The following CARNMT1 variants were observed in gnomAD, a reference collection of about 807,000 sequenced individuals.
CARNMT1 encodes the protein carnosine N-methyltransferase 1, also known as protein-L-histidine N-pros-methyltransferase CARNMT1.
Under a neutral mutation model 49.6 loss-of-function variants are expected in CARNMT1, and 28 were observed. The ratio of observed to expected loss-of-function variants is 0.56; its 90% CI spans 0.42 to 0.77. CARNMT1 has a LOEUF of 0.77. Among genes scored for constraint, CARNMT1 ranks in the 30% least tolerant of loss-of-function variants. CARNMT1 has a pLI of 0.00. For synonymous variants in CARNMT1, 178 were observed against 175.0 expected (o/e 1.02, Z -0.13); for missense variants, 421 against 512.6 (o/e 0.82, Z 1.73).
In CARNMT1 at chr9:75,027,870, G is replaced by C. The variant is rs867965643; in HGVS notation, c.230+142C>G. The C allele has an allele frequency of 5.4e-6, 5 of 932,508 alleles. No homozygotes were observed. In the Middle Eastern group the frequency reaches 1.8e-3, roughly 335 times the overall value. 57.8% of individuals were successfully genotyped at this position (932,508 alleles called of 1,614,324 possible). On this transcript the variant is annotated intron_variant, in intron 1 of 7. Transcript: ENST00000376834. ...CTGGGGTGGTGCGAGGTGACTCGGG[G>C]CCCGGAGGTCAGCTGCAGCAGCCGG...
rs1832735233 is a variant in CARNMT1, at chr9:74,983,297, G to A, written c.*470C>T. The stretch of plus-strand genomic sequence containing the variant: ...ATTTTACGCATAGTTTTCTTAGATT[G>A]AAAGTGAACAAAGTCCCAACTCCAG... On this transcript the variant is annotated 3_prime_UTR_variant, in exon 8 of 8. Coordinates refer to ENST00000376834, the MANE Select transcript of CARNMT1 (RefSeq NM_152420.3). 1 of 150,876 alleles carries A rather than the reference G, an allele frequency of 6.6e-6. No individual in the cohort carries two copies. The highest frequency in any genetic ancestry group is 1.5e-5 in the Non-Finnish European group (1 of 67,830). The allele number at this position is 150,876 out of a possible 1,614,324, so 9.3% of individuals were successfully genotyped here. A position where few individuals can be genotyped will look rare whatever the true frequency, so the allele number is the denominator to read the frequency against.
At chr9:75,021,559 A>C (rs773250748) in intron 1 of CARNMT1, among the ~76,000 whole-genome samples, 74 of 151,590 alleles carry the variant, frequency 4.9e-4, no homozygotes, top group Non-Finnish European at 9.3e-4. Context: ...ACAATGTAGA[A>C]ATTAGAAGTA....
chr9:75,001,126 T>A (rs1460547832), intron 3 of CARNMT1, among the ~76,000 whole-genome samples: 2 of 150,308 alleles, frequency 1.3e-5, no homozygotes, highest in Non-Finnish European at 3.0e-5. Flanking sequence ...CAGTTTAGAA[T>A]TTTTTTTTTA....
chr9:75,013,041 T>G (rs2118845405), intron 3 of CARNMT1, among the ~76,000 whole-genome samples: 1 of 152,314 alleles, frequency 6.6e-6, no homozygotes, highest in South Asian at 2.1e-4. Context: ...TCCTCAAAAC[T>G]TGGTGGACTG....
rs559269373 is a variant in CARNMT1, at chr9:75,017,376, T to C, written c.303A>G (p.Leu101=). Residue 101 remains leucine, a synonymous_variant, in exon 2 of 8, where the codon CTA becomes CTG. Coordinates refer to ENST00000376834, the MANE Select transcript of CARNMT1 (RefSeq NM_152420.3). Reference sequence around the variant, plus strand: ...CCAAGTGAAGAAGAAACTGAGGAAGTAGTTTCTGTTGGTTAGCTGGAAGTG... The same window carrying C: ...CCAAGTGAAGAAGAAACTGAGGAAGCAGTTTCTGTTGGTTAGCTGGAAGTG... ...FRSLPANQQK[L]LPQFLLHLDK... 11 of 1,613,814 alleles carry C rather than the reference T, an allele frequency of 6.8e-6. No individual in the cohort carries two copies. Among genetic ancestry groups the C allele is most frequent in the Admixed American group, 1.7e-5 (1 of 60,026 alleles).
At chr9:74,984,698 A>G (rs1564089505) in intron 7 of CARNMT1, among the ~76,000 whole-genome samples, 1 of 152,192 alleles carries the variant, frequency 6.6e-6, no homozygotes, top group Non-Finnish European at 1.5e-5. Flanking sequence ...TGTCACGTAT[A>G]TGCATATATT....
chr9:74,986,062 G>A (rs1832827558), intron 6 of CARNMT1, among the ~76,000 whole-genome samples: 1 of 152,056 alleles, frequency 6.6e-6, no homozygotes, highest in South Asian at 2.1e-4. Flanking sequence ...CTATCATTTT[G>A]CCCAATCCAT....
chr9:75,010,487 T>C (rs933094754), intron 3 of CARNMT1, among the ~76,000 whole-genome samples: 1 of 152,166 alleles, frequency 6.6e-6, no homozygotes, highest in Admixed American at 6.6e-5. Flanking sequence ...AAGTTGAAGT[T>C]AGGTTAACAG....
chr9:74,984,133 TAAAAAC>T (rs1429815369), intron 7 of CARNMT1, among the ~76,000 whole-genome samples: 1 of 152,200 alleles, frequency 6.6e-6, no homozygotes, highest in African/African-American at 2.4e-5. Flanking sequence ...TCGTCATTCT[TAAAAAC>T]AAACCTATTG....
Position 75,028,134 on chromosome 9 carries a change from A to G in CARNMT1, c.108T>C (p.Arg36=). The G allele has an allele frequency of 6.4e-7, 1 of 1,550,420 alleles. No individual in the cohort carries two copies. Among genetic ancestry groups the G allele is most frequent in the East Asian group, 2.6e-5 (1 of 38,394 alleles). The change falls in exon 1 of 8, where the codon CGT becomes CGC. Residue 36 remains arginine (R), a synonymous_variant. Transcript: ENST00000376834. The stretch of plus-strand genomic sequence containing the variant: ...CCGAAACCGCCGCGGCCGAGCCCCA[A>G]CGCCCGGCGGAAAACTGCACTTCCA... ...EEVEVQFSAG[R]WGSAAAVSAA...
intron 1 of CARNMT1, among the ~76,000 whole-genome samples, chr9:75,023,164 T>C (rs1201582787): frequency 6.7e-6 from 1 of 149,344 alleles, no homozygotes; most frequent in Non-Finnish European, 1.5e-5. Context: ...GAAAAAGAAA[T>C]TAAGGAGTCA....
intron 6 of CARNMT1, chr9:74,991,209 C>G (rs773632778): frequency 6.6e-6 from 1 of 151,848 alleles, no homozygotes; most frequent in African/African-American, 2.4e-5. Context: ...GTGGCACAAT[C>G]TCAGATCACT....
intron 1 of CARNMT1, 143 bp downstream of exon 1, chr9:75,027,869 G>C (rs1402913944): frequency 6.5e-6 from 6 of 928,472 alleles, no homozygotes; most frequent in Non-Finnish European, 9.1e-6. Context: ...GGTGACTCGG[G>C]GCCCGGAGGT....
rs1457884411 is a variant in CARNMT1 at position 74,982,736 on chromosome 9, TCA to T, written c.*1029_*1030del. On this transcript the variant is annotated 3_prime_UTR_variant, in exon 8 of 8. Coordinates refer to ENST00000376834, the MANE Select transcript of CARNMT1 (RefSeq NM_152420.3). Reference sequence around the variant, plus strand: ...TAAAGAAAAGACATTATTGTAAACATCACACTGTCAAACTCTGTATTCATTTA... The same window carrying T: ...TAAAGAAAAGACATTATTGTAAACATCACTGTCAAACTCTGTATTCATTTA... The T allele has an allele frequency of 6.6e-6, 1 of 152,214 alleles. No homozygotes were observed. The highest frequency in any genetic ancestry group is 1.5e-5 in the Non-Finnish European group (1 of 68,032). 9.4% of individuals were successfully genotyped at this position (152,214 alleles called of 1,614,324 possible). A position where few individuals can be genotyped will look rare whatever the true frequency, so the allele number is the denominator to read the frequency against.
chr9:75,000,529 C>T (rs73542677), intron 3 of CARNMT1, among the ~76,000 whole-genome samples: 1,586 of 152,216 alleles, frequency 0.01, 30 homozygotes, highest in African/African-American at 0.036. Context: ...TACATATTTC[C>T]TTCACGTAAG....
intron 1 of CARNMT1, among the ~76,000 whole-genome samples, chr9:75,019,516 A>G (rs1210668763): frequency 1.3e-5 from 2 of 152,158 alleles, no homozygotes; most frequent in African/African-American, 4.8e-5. Flanking sequence ...GATAACATTA[A>G]AGTCTAAAAA....
chr9:74,984,697 T>C (rs1052874863), intron 7 of CARNMT1, among the ~76,000 whole-genome samples: 1 of 152,166 alleles, frequency 6.6e-6, no homozygotes, highest in African/African-American at 2.4e-5. Flanking sequence ...ATGTCACGTA[T>C]ATGCATATAT....
chr9:75,005,873 CAAT>C (rs1833496177), intron 3 of CARNMT1, among the ~76,000 whole-genome samples: 1 of 132,232 alleles, frequency 7.6e-6, no homozygotes, highest in Non-Finnish European at 1.6e-5. Context: ...CACACACACA[CAAT>C]AAAAGGCTAG....
chr9:75,026,346 A>G (rs1822529427), intron 1 of CARNMT1, among the ~76,000 whole-genome samples: 1 of 152,150 alleles, frequency 6.6e-6, no homozygotes, highest in East Asian at 1.9e-4. Flanking sequence ...AATTGGTCCT[A>G]ATATATTAAA....
Sources: allele counts gnomAD v4.1 joint callset (sites outside exome capture counted in the v4.1 genomes callset), GRCh38; gene constraint gnomAD v4.1.1; transcripts MANE v1.5; gene names NCBI Gene and HGNC (gene_info 2026-07-23, HGNC 2026-07-21).